PLXNA4: variants seen among roughly 807,000 people sequenced by gnomAD.
The protein encoded by PLXNA4 is plexin-A4.
In PLXNA4, 44 loss-of-function variants were observed where a neutral mutation model predicts 191.8. The ratio of observed to expected loss-of-function variants is 0.23; its 90% CI spans 0.18 to 0.29. The LOEUF (loss-of-function observed/expected upper bound fraction) is 0.29, where lower values mean the gene tolerates loss of function less well. Among genes scored for constraint, PLXNA4 ranks in the 10% least tolerant of loss-of-function variants. The pLI, the probability that PLXNA4 is intolerant of heterozygous loss-of-function variation, is 1.00. For synonymous variants in PLXNA4, 1,082 were observed against 1,009.5 expected (o/e 1.07, Z -1.36); for missense variants, 1,800 against 2,488.8 (o/e 0.72, Z 5.89).
At chr7:132,280,432 T>C (rs1800436351) in intron 4 of PLXNA4, among the ~76,000 whole-genome samples, 1 of 152,198 alleles carries the variant, frequency 6.6e-6, no homozygotes, top group African/African-American at 2.4e-5. Context: ...TTCATATCCG[T>C]GAAAACTGCT....
chr7:132,257,917 C>T (rs530078728), intron 4 of PLXNA4, among the ~76,000 whole-genome samples: 3 of 152,314 alleles, frequency 2.0e-5, no homozygotes, highest in African/African-American at 7.2e-5. Flanking sequence ...CTGGTCCAGC[C>T]AAGGGAGAAT....
At chr7:132,272,022 T>G (rs940519277) in intron 4 of PLXNA4, among the ~76,000 whole-genome samples, 2 of 151,584 alleles carry the variant, frequency 1.3e-5, no homozygotes, top group African/African-American at 4.8e-5. Context: ...GAAGGAGGGA[T>G]CAGAGCACAG....
intron 10 of PLXNA4, among the ~76,000 whole-genome samples, chr7:132,209,331 C>T (rs1454126291): frequency 6.6e-6 from 1 of 152,218 alleles, no homozygotes; most frequent in East Asian, 1.9e-4. Context: ...CAGATCCTCA[C>T]CAGCCTTCTG....
intron 4 of PLXNA4, among the ~76,000 whole-genome samples, chr7:132,294,082 A>G (rs1338834216): frequency 6.6e-6 from 1 of 152,264 alleles, no homozygotes; most frequent in Non-Finnish European, 1.5e-5. Flanking sequence ...CAGAACAATT[A>G]TTAAGAATCA....
In PLXNA4 at chr7:132,170,773, G is replaced by A. The variant is rs555517379; in HGVS notation, c.4018-2201C>T. Among the ~76,000 whole-genome samples the A allele has an allele frequency of 3.8e-4, 58 of 152,348 alleles. 1 individual carries two copies. Among genetic ancestry groups the A allele is most frequent in the African/African-American group, 1.2e-3 (48 of 41,588 alleles). ...TGTCATTGAAACCTCCAACTAGCCC[G>A]TCATCAGTAGCTCCTATGGGTCTGG... On this transcript the variant is annotated intron_variant, in intron 21 of 31. Coordinates refer to ENST00000321063, the MANE Select transcript of PLXNA4 (RefSeq NM_020911.2).
intron 4 of PLXNA4, among the ~76,000 whole-genome samples, chr7:132,263,561 A>G (rs1799733667): frequency 6.6e-6 from 1 of 152,228 alleles, no homozygotes; most frequent in South Asian, 2.1e-4. Flanking sequence ...AGCTTTACCC[A>G]TAGTTAGAAG....
At chr7:132,379,322 T>C (rs1365728013) in intron 3 of PLXNA4, among the ~76,000 whole-genome samples, 1 of 152,176 alleles carries the variant, frequency 6.6e-6, no homozygotes, top group Non-Finnish European at 1.5e-5. Flanking sequence ...CCAGGCAGTG[T>C]CTCATGTCCC....
intron 3 of PLXNA4, among the ~76,000 whole-genome samples, chr7:132,320,792 G>A (rs1014426276): frequency 1.3e-5 from 2 of 152,128 alleles, no homozygotes; most frequent in African/African-American, 4.8e-5. Context: ...TGTTAGAAAT[G>A]CCAAATCTCT....
intron 25 of PLXNA4, among the ~76,000 whole-genome samples, chr7:132,150,131 T>A (rs1795552962): frequency 6.6e-6 from 1 of 152,138 alleles, no homozygotes. Context: ...GGACCATCCA[T>A]CCCTTAGTCC....
chr7:132,302,167 G>A (rs1185593259), intron 3 of PLXNA4, among the ~76,000 whole-genome samples: 1 of 152,202 alleles, frequency 6.6e-6, no homozygotes, highest in Non-Finnish European at 1.5e-5. Context: ...TCTGCATGGA[G>A]AAGTAACTAG....
chr7:132,571,742 C>T (rs1801990179), intron 1 of PLXNA4, among the ~76,000 whole-genome samples: 1 of 152,146 alleles, frequency 6.6e-6, no homozygotes. Context: ...TTCCACAATA[C>T]TAGCAATTTG....
chr7:132,179,937 G>T lies in PLXNA4; in HGVS notation c.3640-16C>A. Reference sequence around the variant, plus strand: ...CGACACGGGCCTGGGGGCACACAGGGCAAGAGGGAGCTGGGTGTGGGGACG... The same window carrying T: ...CGACACGGGCCTGGGGGCACACAGGTCAAGAGGGAGCTGGGTGTGGGGACG... On this transcript the variant is annotated splice_polypyrimidine_tract_variant and intron_variant, in intron 19 of 31. Coordinates refer to ENST00000321063, the MANE Select transcript of PLXNA4 (RefSeq NM_020911.2). 6.3e-7 allele frequency: 1 copy of T among 1,590,826 alleles called. No individual in the cohort carries two copies.
intron 1 of PLXNA4, among the ~76,000 whole-genome samples, chr7:132,510,540 T>C (rs156964): frequency 0.98 from 149,530 of 152,330 alleles, 73,428 homozygotes; most frequent in East Asian, 1. Flanking sequence ...CCTCAACGAA[T>C]GCGTAGTCAA....
intron 3 of PLXNA4, among the ~76,000 whole-genome samples, chr7:132,299,294 TA>T (rs1475416327): frequency 6.6e-6 from 1 of 152,200 alleles, no homozygotes; most frequent in Non-Finnish European, 1.5e-5. Flanking sequence ...ATATTCCAAA[TA>T]TTCCCATTAG....
chr7:132,371,488 C>T (rs1320364649), intron 3 of PLXNA4, among the ~76,000 whole-genome samples: 1 of 152,120 alleles, frequency 6.6e-6, no homozygotes, highest in African/African-American at 2.4e-5. Context: ...GATGTAGGAG[C>T]ATATTTCTGG....
At chr7:132,305,799 C>T (rs1214727652) in intron 3 of PLXNA4, among the ~76,000 whole-genome samples, 1 of 152,148 alleles carries the variant, frequency 6.6e-6, no homozygotes, top group Non-Finnish European at 1.5e-5. Flanking sequence ...CCCTAATGAG[C>T]AAACAGTGCT....
intron 9 of PLXNA4, 56 bp from the exon 10 acceptor site, chr7:132,211,199 A>G (rs1797789942): frequency 1.3e-6 from 2 of 1,507,850 alleles, no homozygotes; most frequent in Non-Finnish European, 1.8e-6. Context: ...ATGAGCAAGG[A>G]CCTCTGCAGA....
intron 3 of PLXNA4, among the ~76,000 whole-genome samples, chr7:132,349,623 T>A (rs1038256930): frequency 6.6e-6 from 1 of 152,200 alleles, no homozygotes; most frequent in Non-Finnish European, 1.5e-5. Context: ...CTCATCCTAA[T>A]AATGAAGCTA....
chr7:132,425,019 C>T (rs1392440443), intron 3 of PLXNA4, among the ~76,000 whole-genome samples: 1 of 152,160 alleles, frequency 6.6e-6, no homozygotes, highest in Non-Finnish European at 1.5e-5. Flanking sequence ...CCTCTCTAGC[C>T]CCACTGTGCC....
Sources: allele counts gnomAD v4.1 joint callset (sites outside exome capture counted in the v4.1 genomes callset), GRCh38; gene constraint gnomAD v4.1.1; transcripts MANE v1.5; gene names NCBI Gene and HGNC (gene_info 2026-07-23, HGNC 2026-07-21).